Variants in NUDC observed in about 807,000 individuals in gnomAD.
NUDC encodes the protein nuclear distribution C, dynein complex regulator.
A neutral mutation model predicts 45.0 loss-of-function variants in NUDC; 14 were observed. The ratio of observed to expected loss-of-function variants is 0.31; its 90% confidence interval spans 0.21 to 0.49. The LOEUF (loss-of-function observed/expected upper bound fraction) is 0.49. Ranked by LOEUF, NUDC falls within the 20% of genes least tolerant of loss-of-function variation. The pLI is 0.99. For synonymous variants in NUDC, 153 were observed against 156.7 expected, an observed-to-expected ratio of 0.98 and a Z score of 0.17; for missense variants, 323 against 426.2, an observed-to-expected ratio of 0.76 and a Z score of 2.13.
At chr1:26,924,610 G>A (rs186344717) in intron 2 of NUDC, among the ~76,000 whole-genome samples, 390 of 152,296 alleles carry the variant, frequency 2.6e-3, no homozygotes, top group African/African-American at 5.1e-3. Flanking sequence ...CTGAAGCGCA[G>A]TGGCGCAATG....
chr1:26,900,259 G>A, exon 1 of NUDC: 3 of 1,614,096 alleles, frequency 1.9e-6, no homozygotes, highest in South Asian at 1.1e-5. Context: ...GCAGAGTTAG[G>A]AGCGGCCTGC....
upstream of NUDC, chr1:26,900,172 T>C: frequency 6.2e-7 from 1 of 1,612,720 alleles, no homozygotes; most frequent in Non-Finnish European, 8.5e-7. Context: ...GAGTCTCGAG[T>C]GGAGAGAGGC....
chr1:26,921,361 G>T (rs1364579014), upstream of NUDC, among the ~76,000 whole-genome samples: 1 of 152,134 alleles, frequency 6.6e-6, no homozygotes, highest in Non-Finnish European at 1.5e-5. Flanking sequence ...GCTGTCCTGT[G>T]GTAAGTCCCT....
At chr1:26,920,778 A>AAC (rs1553162582), upstream of NUDC, among the ~76,000 whole-genome samples, 16 of 147,240 alleles carry the variant, frequency 1.1e-4, no homozygotes, top group African/African-American at 1.5e-4. Context: ...ACAAAAAACA[A>AAC]AAAAAAAAAA....
At chr1:26,934,988 T>C (rs2082216508) in intron 2 of NUDC, among the ~76,000 whole-genome samples, 1 of 148,564 alleles carries the variant, frequency 6.7e-6, no homozygotes, top group Non-Finnish European at 1.5e-5. Flanking sequence ...GTTTTTTGTT[T>C]TTTTTTCTTT....
In NUDC at chr1:26,903,903, C is replaced by T. The variant is rs537806690; in HGVS notation, c.-16+1537C>T. ...GCGGGCACCTGTAGTCCCAGCTACT[C>T]GGGAGGCTGAGGCAGGAGAATGGTG... On this transcript the variant is annotated intron_variant, in intron 2 of 6. Transcript: ENST00000435827. 9.3e-5 allele frequency among the ~76,000 whole-genome samples: 14 copies of T among 150,800 alleles called. No homozygotes were observed. The South Asian group carries it at 1.3e-3, about 14-fold the overall frequency.
intron 6 of NUDC, among the ~76,000 whole-genome samples, chr1:26,944,343 C>T (rs997693084): frequency 6.6e-6 from 1 of 152,058 alleles, no homozygotes; most frequent in Non-Finnish European, 1.5e-5. Context: ...TGAGTAACTG[C>T]GAGCGCCACC....
intron 2 of NUDC, among the ~76,000 whole-genome samples, chr1:26,906,970 G>C (rs764864058): frequency 8.5e-5 from 13 of 152,214 alleles, no homozygotes; most frequent in Non-Finnish European, 1.8e-4. Context: ...CTGCCAGGAA[G>C]AGGAGGTCTC....
chr1:26,912,417 A>G (rs1031884731), intron 3 of NUDC, among the ~76,000 whole-genome samples: 6 of 152,156 alleles, frequency 3.9e-5, no homozygotes, highest in Admixed American at 6.5e-5. Flanking sequence ...GTAAAACGGG[A>G]ATAATAATAT....
At chr1:26,913,635 T>C (rs770519115) in intron 3 of NUDC, 1 of 1,613,976 alleles carries the variant, frequency 6.2e-7, no homozygotes. Flanking sequence ...TCACAGCATC[T>C]TGGGCCAACC....
At chr1:26,915,049 A>T (rs1199773247) in intron 3 of NUDC, among the ~76,000 whole-genome samples, 2 of 144,558 alleles carry the variant, frequency 1.4e-5, no homozygotes, top group Non-Finnish European at 3.0e-5. Flanking sequence ...ATATACACAT[A>T]CATACATACA....
intron 2 of NUDC, among the ~76,000 whole-genome samples, chr1:26,931,986 C>A (rs1389694532): frequency 6.7e-6 from 1 of 149,096 alleles, no homozygotes; most frequent in Non-Finnish European, 1.5e-5. Context: ...ACGCTTGGCC[C>A]CTTTTTTTTT....
intron 2 of NUDC, among the ~76,000 whole-genome samples, chr1:26,909,244 G>C (rs190098028): frequency 6.6e-6 from 1 of 152,112 alleles, no homozygotes; most frequent in Non-Finnish European, 1.5e-5. Context: ...AAAAGTGCTG[G>C]GATTACAGGT....
intron 2 of NUDC, among the ~76,000 whole-genome samples, chr1:26,934,269 G>C (rs1284240406): frequency 1.3e-5 from 2 of 152,216 alleles, no homozygotes; most frequent in East Asian, 3.8e-4. Flanking sequence ...GAGAGAATGA[G>C]TGCCAGCAGA....
At chr1:26,929,600 T>G in intron 2 of NUDC, 1 of 229,284 alleles carries the variant, frequency 4.4e-6, no homozygotes, top group Non-Finnish European at 9.6e-6. Flanking sequence ...TGTTGGGGAG[T>G]GGTCCTGGAA....
At chr1:26,913,616 C>T in intron 3 of NUDC, 1 of 1,614,068 alleles carries the variant, frequency 6.2e-7, no homozygotes. Flanking sequence ...GCCTCAGCCA[C>T]CTCAAAGGTC....
chr1:26,912,979 C>T (rs1359794620), intron 3 of NUDC, among the ~76,000 whole-genome samples: 1 of 152,160 alleles, frequency 6.6e-6, no homozygotes, highest in Non-Finnish European at 1.5e-5. Context: ...TGTGAGATGG[C>T]TATTTGATGA....
At chr1:26,943,667 G>C (rs2082296741) in intron 6 of NUDC, among the ~76,000 whole-genome samples, 1 of 152,144 alleles carries the variant, frequency 6.6e-6, no homozygotes, top group Non-Finnish European at 1.5e-5. Flanking sequence ...TACTGTTCTT[G>C]TTCTAAGTGC....
At chr1:26,922,065 G>C (rs949343707) in intron 1 of NUDC, 136 bp downstream of exon 1, 1 of 919,950 alleles carries the variant, frequency 1.1e-6, no homozygotes, top group African/African-American at 1.6e-5. Flanking sequence ...ACTGCGCCCA[G>C]CTTCCGGCCT....
Sources: gnomAD v4.1 joint callset for allele counts (sites outside exome capture counted in the v4.1 genomes callset) on GRCh38, gnomAD v4.1.1 for gene constraint, MANE v1.5 for transcripts, NCBI Gene and HGNC (gene_info 2026-07-23, HGNC 2026-07-21) for gene names.